The following LIMK1 variants were observed in gnomAD, a reference collection of about 807,000 sequenced individuals.
The protein encoded by LIMK1 is LIM motif-containing protein kinase.
In LIMK1, 21 loss-of-function variants were observed where a neutral mutation model predicts 77.6. That is an observed-to-expected ratio of 0.27 (90% CI 0.19 to 0.39). LIMK1 has a LOEUF of 0.39. LIMK1 is among the 10% of genes least tolerant of loss of function. The probability of loss-of-function intolerance (pLI) is 1.00; values close to 1 mark genes in which losing one functional copy is unlikely to be tolerated. For missense variants in LIMK1, 696 were observed against 901.6 expected (o/e 0.77, Z 2.92); for synonymous variants, 358 against 370.0 (o/e 0.97, Z 0.37).
intron 4 of LIMK1, 55 bp downstream of exon 4, chr7:74,097,244 G>C (rs1554695817): frequency 8.3e-7 from 1 of 1,198,106 alleles, no homozygotes; most frequent in Non-Finnish European, 1.2e-6. Flanking sequence ...TCACAGATCT[G>C]CAAGGGTGCT....
At chr7:74,116,894 T>G (rs1554699594) in intron 13 of LIMK1, among the ~76,000 whole-genome samples, 1 of 151,788 alleles carries the variant, frequency 6.6e-6, no homozygotes, top group Non-Finnish European at 1.5e-5. Context: ...TTTTTTATTT[T>G]TTTTTGAGAC....
intron 5 of LIMK1, among the ~76,000 whole-genome samples, chr7:74,099,750 A>G (rs1164843857): frequency 3.9e-5 from 6 of 152,074 alleles, no homozygotes; most frequent in Middle Eastern, 3.2e-3. Flanking sequence ...AATAAAAAAA[A>G]CACACTCAAA....
Position 74,121,617 on chromosome 7 carries a change from C to A in LIMK1, c.*316C>A, listed in dbSNP as rs1009113558. Reference sequence around the variant, plus strand: ...GAGTTACGCCCCTTTCCACACGCCGCTGCCCCAGCAACCCTGTTCACGCTC... The same window carrying A: ...GAGTTACGCCCCTTTCCACACGCCGATGCCCCAGCAACCCTGTTCACGCTC... On this transcript the variant is annotated 3_prime_UTR_variant, in exon 16 of 16. Transcript: ENST00000336180. The A allele has an allele frequency of 5.2e-5, 18 of 344,610 alleles. No homozygotes were observed. The highest frequency in any genetic ancestry group is 3.4e-4 in the African/African-American group (16 of 47,600). 21.3% of individuals were successfully genotyped at this position (344,610 alleles called of 1,614,324 possible). A position where few individuals can be genotyped will look rare whatever the true frequency, so the allele number is the denominator to read the frequency against.
chr7:74,116,050 C>T, intron 13 of LIMK1, 92 bp downstream of exon 13: 1 of 1,369,874 alleles, frequency 7.3e-7, no homozygotes, highest in Non-Finnish European at 1.0e-6. Context: ...TGGCCCCTCC[C>T]AGCCTCCTTG....
chr7:74,102,689 C>T (rs1799491577), intron 5 of LIMK1, among the ~76,000 whole-genome samples: 1 of 151,222 alleles, frequency 6.6e-6, no homozygotes, highest in African/African-American at 2.4e-5. Context: ...TCTTATAGTT[C>T]AGTGATCACA....
chr7:74,113,601 G>T (rs1296260011), intron 12 of LIMK1, among the ~76,000 whole-genome samples: 8 of 151,892 alleles, frequency 5.3e-5, no homozygotes, highest in African/African-American at 1.9e-4. Flanking sequence ...CTCCAGCCTG[G>T]GTGATAGAGT....
At position 74,106,617 on chromosome 7, in the gene LIMK1, G is replaced by A. The variant is rs540987050; in HGVS notation, c.881+374G>A. Among the ~76,000 whole-genome samples, 38 of 152,158 alleles carry A rather than the reference G, an allele frequency of 2.5e-4. 2 individuals are homozygous for A. Among genetic ancestry groups the A allele is most frequent in the African/African-American group, 8.9e-4 (37 of 41,534 alleles). On this transcript the variant is annotated intron_variant, in intron 7 of 15. Coordinates refer to ENST00000336180, the MANE Select transcript of LIMK1 (RefSeq NM_002314.4). ...TTTACTGAAAATACAAAAATTAGCC[G>A]GGCTTGGTGGCAGGTGCCTGTAGTC...
chr7:74,084,153 C>T, intron 1 of LIMK1, 108 bp downstream of exon 1: 1 of 443,990 alleles, frequency 2.3e-6, no homozygotes, highest in Admixed American at 4.2e-5. Context: ...CTGCCTCCTC[C>T]GGGATGAGCT....
chr7:74,100,314 G>A (rs572273296), intron 5 of LIMK1, among the ~76,000 whole-genome samples: 1 of 152,294 alleles, frequency 6.6e-6, no homozygotes, highest in South Asian at 2.1e-4. Context: ...GGCTTTGGGG[G>A]TCTGTTTGAA....
At chr7:74,091,271 C>G (rs1554694735) in intron 2 of LIMK1, among the ~76,000 whole-genome samples, 1 of 151,848 alleles carries the variant, frequency 6.6e-6, no homozygotes, top group East Asian at 2.0e-4. Flanking sequence ...CGCCTGTAAT[C>G]CCAGCACTTT....
rs551288290 is a variant in LIMK1, at chr7:74,106,154, C to T, written c.792C>T (p.His264=). The change falls in exon 7 of 16, where the codon CAC becomes CAT. Residue 264 remains histidine, a synonymous_variant. Transcript: ENST00000336180. The part of the protein sequence containing the change: ...LEHDPHDTLG[H]GLGPETSPLS... ...ATGACCCTCACGATACACTGGGCCA[C>T]GGGCTGGGGCCTGAGACCAGCCCCC... is the stretch of plus-strand genomic sequence containing the variant. The T allele has an allele frequency of 1.6e-5, 26 of 1,614,076 alleles. No individual in the cohort carries two copies. The highest frequency in any genetic ancestry group is 7.7e-5 in the South Asian group (7 of 91,088).
chr7:74,099,639 A>T (rs1554696248), intron 5 of LIMK1, among the ~76,000 whole-genome samples: 1 of 152,160 alleles, frequency 6.6e-6, no homozygotes, highest in African/African-American at 2.4e-5. Flanking sequence ...CTGAGGCAGG[A>T]GAATCACTTG....
In LIMK1 at chr7:74,099,099, T is replaced by A. The variant is rs202229741; in HGVS notation, c.469T>A (p.Ser157Thr). 1.2e-6 allele frequency: 2 copies of A among 1,613,072 alleles called. No homozygotes were observed. The highest frequency in any genetic ancestry group is 2.2e-5 in the East Asian group (1 of 44,822). The stretch of plus-strand genomic sequence containing the variant: ...GCAGATCCTGCCTGACTCCCCTGGC[T>A]CCCACCTGCCCCACACCGTCACCCT... ...IEQILPDSPG[S>T]HLPHTVTLVS... Residue 157 changes from serine to threonine, a missense_variant, in exon 5 of 16, where the codon TCC becomes ACC. Ser to Thr is a moderately conservative substitution (Grantham distance 58). Coordinates refer to ENST00000336180, the MANE Select transcript of LIMK1 (RefSeq NM_002314.4).
At chr7:74,089,788 C>T (rs1295871722) in intron 2 of LIMK1, among the ~76,000 whole-genome samples, 1 of 152,026 alleles carries the variant, frequency 6.6e-6, no homozygotes, top group African/African-American at 2.4e-5. Flanking sequence ...AAAAAACGGC[C>T]GCCTCGGAGC....
chr7:74,097,120 G>C lies in LIMK1; in HGVS notation c.332G>C (p.Cys111Ser), dbSNP rs782338770. ...AAGTACCACCCCGAGTGTTTCATCT[G>C]CCTCACGTGTGGGACCTTTATCGGT... ...ELKYHPECFI[C>S]LTCGTFIGDG... is the part of the protein sequence containing the mutation. The change falls in exon 4 of 16, where the codon TGC (cysteine) becomes TCC (serine). Residue 111 changes from cysteine (C) to serine (S), a missense_variant. Physicochemically the swap from Cys to Ser is moderately radical, Grantham distance 112. This residue lies in a region of LIMK1 where 252 missense variants were observed against 279.4 expected (regional missense o/e 0.90). Coordinates refer to ENST00000336180, the MANE Select transcript of LIMK1 (RefSeq NM_002314.4). 1.2e-6 allele frequency: 2 copies of C among 1,613,626 alleles called. No homozygotes were observed. The highest frequency in any genetic ancestry group is 2.7e-5 in the African/African-American group (2 of 74,894).
At chr7:74,089,419 T>C (rs1186653598) in intron 2 of LIMK1, among the ~76,000 whole-genome samples, 1 of 152,084 alleles carries the variant, frequency 6.6e-6, no homozygotes, top group Non-Finnish European at 1.5e-5. Context: ...GGAGGGTTGC[T>C]TGAGCCTGGG....
intron 5 of LIMK1, among the ~76,000 whole-genome samples, chr7:74,100,371 G>A (rs1177484346): frequency 6.6e-6 from 1 of 152,094 alleles, no homozygotes; most frequent in Non-Finnish European, 1.5e-5. Context: ...TTTCTGTGGC[G>A]CCTTTATTGA....
chr7:74,121,169 G>A lies in LIMK1; in HGVS notation c.1812G>A (p.Leu604=), dbSNP rs1554700517. The change falls in exon 16 of 16, where the codon CTG becomes CTA. Residue 604 remains leucine (L), a synonymous_variant. Coordinates refer to ENST00000336180, the MANE Select transcript of LIMK1 (RefSeq NM_002314.4). ...RPSFVKLEHW[L]ETLRMHLAGH... Reference sequence around the variant, plus strand: ...CCTTTGTGAAGCTGGAACACTGGCTGGAGACCCTCCGCATGCACCTGGCCG... The same window carrying A: ...CCTTTGTGAAGCTGGAACACTGGCTAGAGACCCTCCGCATGCACCTGGCCG... 4 of 1,613,804 alleles carry A rather than the reference G, an allele frequency of 2.5e-6. No homozygotes were observed. The highest frequency in any genetic ancestry group is 2.2e-5 in the East Asian group (1 of 44,872).
intron 1 of LIMK1, 33 bp downstream of exon 1, chr7:74,084,078 T>A: frequency 1.5e-6 from 2 of 1,297,786 alleles, no homozygotes; most frequent in Non-Finnish European, 1.0e-6. Context: ...GGCGAGGGCC[T>A]GGAGGGGGTG....
Sources: gnomAD v4.1 joint callset for allele counts (sites outside exome capture counted in the v4.1 genomes callset) on GRCh38, gnomAD v4.1.1 for gene constraint, gnomAD v4.1.1 regional missense constraint, MANE v1.5 for transcripts, NCBI Gene and HGNC (gene_info 2026-07-23, HGNC 2026-07-21) for gene names.